The following LINGO2 variants were observed in gnomAD, a reference collection of about 807,000 sequenced individuals.
LINGO2 encodes leucine rich repeat and Ig domain containing 2, also known as leucine-rich repeat and immunoglobulin-like domain-containing nogo receptor-interacting protein 2.
Under a neutral mutation model 30.6 loss-of-function variants are expected in LINGO2, and 14 were observed. That is an observed-to-expected ratio of 0.46 (90% confidence interval 0.30 to 0.72). LINGO2 has a LOEUF of 0.72. Ranked by LOEUF, LINGO2 falls within the 30% of genes least tolerant of loss-of-function variation. The pLI is 0.07. For missense variants in LINGO2, 729 were observed against 751.7 expected (o/e 0.97, Z 0.35); for synonymous variants, 317 against 288.5 (o/e 1.10, Z -1.00).
chr9:28,230,851 G>A (rs1554690666), intron 4 of LINGO2, among the ~76,000 whole-genome samples: 1 of 151,806 alleles, frequency 6.6e-6, no homozygotes, highest in Non-Finnish European at 1.5e-5. Flanking sequence ...TCTTAAATAT[G>A]TTTTATAAAT....
chr9:28,925,460 G>A, the LINGO2 span, among the ~76,000 whole-genome samples: 9 of 152,298 alleles, frequency 5.9e-5, no homozygotes, highest in South Asian at 4.1e-4. Flanking sequence ...ACACTGGGGC[G>A]TGGTGGTTTC....
chr9:28,003,977 C>T (rs1322009696), intron 5 of LINGO2, among the ~76,000 whole-genome samples: 2 of 152,012 alleles, frequency 1.3e-5, no homozygotes, highest in African/African-American at 4.8e-5. Context: ...TTTAACTAGC[C>T]ATTTGAAAAA....
the LINGO2 span, among the ~76,000 whole-genome samples, chr9:28,690,366 G>A: frequency 3.9e-5 from 6 of 152,108 alleles, no homozygotes; most frequent in Non-Finnish European, 8.8e-5. Flanking sequence ...CATAAAAATT[G>A]TGAGATAAAA....
At chr9:28,666,970 T>C (rs913240577) in intron 1 of LINGO2, among the ~76,000 whole-genome samples, 1 of 152,146 alleles carries the variant, frequency 6.6e-6, no homozygotes, top group East Asian at 1.9e-4. Context: ...AGAAAACATA[T>C]AGCTTAAAAA....
At chr9:29,119,373 A>G in the LINGO2 span, among the ~76,000 whole-genome samples, 1 of 151,584 alleles carries the variant, frequency 6.6e-6, no homozygotes, top group Non-Finnish European at 1.5e-5. Context: ...GCGCACACAC[A>G]CACACCAGTT....
intron 5 of LINGO2, among the ~76,000 whole-genome samples, chr9:28,006,703 T>C (rs1197230939): frequency 2.0e-5 from 3 of 152,100 alleles, no homozygotes; most frequent in East Asian, 1.9e-4. Flanking sequence ...AAAACTCTTT[T>C]AGGGAACACT....
intron 2 of LINGO2, among the ~76,000 whole-genome samples, chr9:28,471,158 C>T (rs549684538): frequency 3.0e-4 from 45 of 152,122 alleles, no homozygotes; most frequent in African/African-American, 1.0e-3. Flanking sequence ...AGTTAATTTT[C>T]TGTTGCTAAA....
the LINGO2 span, among the ~76,000 whole-genome samples, chr9:28,963,067 C>G: frequency 6.6e-6 from 1 of 151,790 alleles, no homozygotes; most frequent in African/African-American, 2.4e-5. Flanking sequence ...TTAGCGCTGA[C>G]AATTACATAG....
chr9:28,134,351 C>T (rs1334882233), intron 4 of LINGO2, among the ~76,000 whole-genome samples: 1 of 152,174 alleles, frequency 6.6e-6, no homozygotes, highest in African/African-American at 2.4e-5. Context: ...ACTCGCTATT[C>T]CTCTTAGAAA....
chr9:28,712,372 A>G, the LINGO2 span, among the ~76,000 whole-genome samples: 2 of 152,034 alleles, frequency 1.3e-5, no homozygotes, highest in Non-Finnish European at 2.9e-5. Flanking sequence ...TCTTATATAT[A>G]AAAACTTTAT....
chr9:28,900,559 G>A, the LINGO2 span, among the ~76,000 whole-genome samples: 3 of 152,272 alleles, frequency 2.0e-5, no homozygotes, highest in Non-Finnish European at 4.4e-5. Context: ...CGGGTGCCAA[G>A]CCCACTCACC....
intron 2 of LINGO2, among the ~76,000 whole-genome samples, chr9:28,375,126 ACACACACATACAC>A (rs776325454): frequency 2.5e-3 from 274 of 111,346 alleles, no homozygotes; most frequent in Non-Finnish European, 4.7e-3. Flanking sequence ...ACACACACAC[ACACACACATACAC>A]CCCACACTAA....
At chr9:28,423,125 G>C (rs1370433691) in intron 2 of LINGO2, among the ~76,000 whole-genome samples, 1 of 152,062 alleles carries the variant, frequency 6.6e-6, no homozygotes, top group South Asian at 2.1e-4. Flanking sequence ...ACAAAAATAT[G>C]AATGTATTTA....
chr9:28,779,293 A>G, the LINGO2 span, among the ~76,000 whole-genome samples: 157 of 152,250 alleles, frequency 1.0e-3, 1 homozygote, highest in African/African-American at 3.5e-3. Flanking sequence ...TATTTTGGGC[A>G]GCTTTTTACA....
upstream of LINGO2, among the ~76,000 whole-genome samples, chr9:28,671,990 T>G (rs973916867): frequency 6.6e-6 from 1 of 152,140 alleles, no homozygotes; most frequent in Non-Finnish European, 1.5e-5. Flanking sequence ...ATATTTCTTA[T>G]TATGTGCTTT....
intron 1 of LINGO2, among the ~76,000 whole-genome samples, chr9:28,577,612 C>T (rs1271616203): frequency 6.6e-6 from 1 of 152,062 alleles, no homozygotes; most frequent in Non-Finnish European, 1.5e-5. Context: ...TTGCAATTCC[C>T]CTGTCTTGAT....
chr9:28,708,761 T>TTATCTATCTATCTATGTATCTATC, the LINGO2 span, among the ~76,000 whole-genome samples: 1 of 147,748 alleles, frequency 6.8e-6, no homozygotes, highest in East Asian at 2.0e-4. Flanking sequence ...TTTAAACTAA[T>TTATCTATCTATCTATGTATCTATC]TATCTATCTA....
chr9:28,849,380 T>A, the LINGO2 span, among the ~76,000 whole-genome samples: 3 of 151,788 alleles, frequency 2.0e-5, no homozygotes, highest in African/African-American at 7.3e-5. Flanking sequence ...CAGAATAATA[T>A]CATCTGTTTC....
chr9:28,723,944 AG>A, the LINGO2 span, among the ~76,000 whole-genome samples: 1 of 152,058 alleles, frequency 6.6e-6, no homozygotes, highest in Non-Finnish European at 1.5e-5. Flanking sequence ...TAACAAGATG[AG>A]CTATTCTTTT....
Sources: allele counts gnomAD v4.1 joint callset (sites outside exome capture counted in the v4.1 genomes callset), GRCh38; gene constraint gnomAD v4.1.1; transcripts MANE v1.5; gene names NCBI Gene and HGNC (gene_info 2026-07-23, HGNC 2026-07-21).